Variants in RPS6KC1 observed in about 807,000 individuals in gnomAD.
RPS6KC1 encodes ribosomal protein S6 kinase C1.
Under a neutral mutation model 103.8 loss-of-function variants are expected in RPS6KC1, and 54 were observed. The observed-to-expected ratio is 0.52, with a 90% CI of 0.42 to 0.65. RPS6KC1 has a LOEUF of 0.65. Ranked by LOEUF, RPS6KC1 falls within the 30% of genes least tolerant of loss-of-function variation. The pLI, the probability that RPS6KC1 is intolerant of heterozygous loss-of-function variation, is 0.00. For synonymous variants in RPS6KC1, 439 were observed against 438.7 expected (o/e 1.00, Z -0.01); for missense variants, 1,151 against 1,253.8 (o/e 0.92, Z 1.24).
At chr1:213,523,617 GTTA>G in the RPS6KC1 span, among the ~76,000 whole-genome samples, 57 of 152,280 alleles carry the variant, frequency 3.7e-4, 2 homozygotes, top group South Asian at 0.012. Context: ...TGCTAATTTT[GTTA>G]TTGTTGTTGT....
the RPS6KC1 span, among the ~76,000 whole-genome samples, chr1:213,601,040 A>G: frequency 1.3e-5 from 2 of 152,332 alleles, no homozygotes; most frequent in East Asian, 1.9e-4. Context: ...TTACTAGGCA[A>G]GAACAAATAA....
At chr1:213,573,164 T>C in the RPS6KC1 span, among the ~76,000 whole-genome samples, 1 of 152,300 alleles carries the variant, frequency 6.6e-6, no homozygotes, top group Non-Finnish European at 1.5e-5. Flanking sequence ...CTATTACACA[T>C]GCTAGGGTTC....
chr1:213,221,148 T>C (rs377614117), intron 8 of RPS6KC1, among the ~76,000 whole-genome samples: 3 of 152,318 alleles, frequency 2.0e-5, no homozygotes, highest in South Asian at 2.1e-4. Flanking sequence ...TTCACCATAA[T>C]GCCTATTTTC....
chr1:213,388,025 GT>G, the RPS6KC1 span, among the ~76,000 whole-genome samples: 1 of 152,248 alleles, frequency 6.6e-6, no homozygotes, highest in South Asian at 2.1e-4. Flanking sequence ...CAGCATAGGA[GT>G]TTTTAATCTC....
chr1:213,846,019 G>A, the RPS6KC1 span, among the ~76,000 whole-genome samples: 1 of 151,720 alleles, frequency 6.6e-6, no homozygotes, highest in African/African-American at 2.4e-5. Flanking sequence ...CAGGCCGGGC[G>A]GGGTGGCTCA....
chr1:213,765,596 A>G, the RPS6KC1 span, among the ~76,000 whole-genome samples: 21 of 152,100 alleles, frequency 1.4e-4, no homozygotes, highest in African/African-American at 5.1e-4. Flanking sequence ...GACTCATAAT[A>G]TTTGTTGAAC....
At chr1:213,595,716 T>G in the RPS6KC1 span, among the ~76,000 whole-genome samples, 506 of 152,348 alleles carry the variant, frequency 3.3e-3, 1 homozygote, top group Non-Finnish European at 4.6e-3. Flanking sequence ...ACCAGGGGAA[T>G]CATAGTGAAG....
intron 6 of RPS6KC1, among the ~76,000 whole-genome samples, chr1:213,137,084 A>G (rs2086357576): frequency 1.3e-5 from 2 of 151,962 alleles, no homozygotes; most frequent in African/African-American, 4.8e-5. Flanking sequence ...CTTCTCTGCA[A>G]TTTCCATTAT....
chr1:213,685,483 AG>A, the RPS6KC1 span, among the ~76,000 whole-genome samples: 1 of 152,084 alleles, frequency 6.6e-6, no homozygotes, highest in South Asian at 2.1e-4. Flanking sequence ...ATACAAAATT[AG>A]CCAGGCTTGC....
At chr1:213,821,796 C>G in the RPS6KC1 span, 4 of 152,174 alleles carry the variant, frequency 2.6e-5, no homozygotes, top group Non-Finnish European at 5.9e-5. Context: ...GATTCATCTC[C>G]CAAGAGGAGA....
At chr1:213,055,119 A>ACTGTCCCATTT (rs1321528377) in intron 1 of RPS6KC1, among the ~76,000 whole-genome samples, 5 of 152,318 alleles carry the variant, frequency 3.3e-5, no homozygotes, top group African/African-American at 9.6e-5. Context: ...CACCCATTGT[A>ACTGTCCCATTT]AGTGTCCAAT....
chr1:213,741,069 GTATA>G, the RPS6KC1 span, among the ~76,000 whole-genome samples: 1 of 147,494 alleles, frequency 6.8e-6, no homozygotes, highest in Non-Finnish European at 1.5e-5. Flanking sequence ...AAAATATATA[GTATA>G]TATAAATAAT....
At chr1:213,408,942 T>C in the RPS6KC1 span, among the ~76,000 whole-genome samples, 2 of 152,156 alleles carry the variant, frequency 1.3e-5, no homozygotes, top group African/African-American at 4.8e-5. Context: ...TTTCTCCTGT[T>C]CTTTGGTGTA....
At chr1:213,075,549 C>G (rs2079258871) in intron 2 of RPS6KC1, among the ~76,000 whole-genome samples, 1 of 152,072 alleles carries the variant, frequency 6.6e-6, no homozygotes, top group Admixed American at 6.6e-5. Context: ...CTGAACAGCT[C>G]CAAGCAGCTC....
At chr1:213,404,399 T>C in the RPS6KC1 span, among the ~76,000 whole-genome samples, 2 of 152,246 alleles carry the variant, frequency 1.3e-5, no homozygotes, top group African/African-American at 4.8e-5. Flanking sequence ...TCCTTATCTG[T>C]GTTCAGTGAG....
the RPS6KC1 span, among the ~76,000 whole-genome samples, chr1:213,406,832 G>A: frequency 3.3e-5 from 5 of 152,236 alleles, no homozygotes; most frequent in Non-Finnish European, 5.9e-5. Flanking sequence ...GCTGAGTATC[G>A]TGCCACATTG....
At chr1:213,662,428 A>ATTTTT in the RPS6KC1 span, among the ~76,000 whole-genome samples, 11 of 120,920 alleles carry the variant, frequency 9.1e-5, no homozygotes, top group Non-Finnish European at 8.4e-5. Context: ...CACCTGGCTA[A>ATTTTT]TTTTTTTTTT....
chr1:213,086,793 A>G (rs2080438764), intron 3 of RPS6KC1, among the ~76,000 whole-genome samples: 1 of 152,220 alleles, frequency 6.6e-6, no homozygotes, highest in African/African-American at 2.4e-5. Context: ...ACATTTATAC[A>G]TACCTCTAAT....
At chr1:213,311,103 A>G in the RPS6KC1 span, among the ~76,000 whole-genome samples, 1 of 150,986 alleles carries the variant, frequency 6.6e-6, no homozygotes, top group Non-Finnish European at 1.5e-5. Flanking sequence ...AATGTCTTAC[A>G]TGGGAGAAGG....
Sources: gnomAD v4.1 joint callset for allele counts (sites outside exome capture counted in the v4.1 genomes callset) on GRCh38, gnomAD v4.1.1 for gene constraint, MANE v1.5 for transcripts, NCBI Gene and HGNC (gene_info 2026-07-23, HGNC 2026-07-21) for gene names.